Variants in SBF2 observed in about 807,000 individuals in gnomAD.
SBF2 encodes the protein myotubularin-related protein 13.
Under a neutral mutation model 225.2 loss-of-function variants are expected in SBF2, and 112 were observed. The observed-to-expected ratio is 0.50, with a 90% CI of 0.43 to 0.58. The LOEUF is 0.58. SBF2 is among the 20% of genes least tolerant of loss of function. The pLI, the probability that SBF2 is intolerant of heterozygous loss-of-function variation, is 0.00. For synonymous variants in SBF2, 763 were observed against 773.3 expected (o/e 0.99, Z 0.22); for missense variants, 1,996 against 2,206.2 (o/e 0.90, Z 1.91).
At chr11:10,111,984 T>C (rs1301219008) in intron 2 of SBF2, among the ~76,000 whole-genome samples, 1 of 152,246 alleles carries the variant, frequency 6.6e-6, no homozygotes, top group African/African-American at 2.4e-5. Flanking sequence ...AAAGCAGTTA[T>C]AAGCTGTATT....
In SBF2 at chr11:10,019,287, A is replaced by G. The variant is rs186239596; in HGVS notation, c.619+9165T>C. Among the ~76,000 whole-genome samples the G allele has an allele frequency of 3.8e-3, 577 of 152,340 alleles. 4 individuals are homozygous for G. The highest frequency in any genetic ancestry group is 5.4e-3 in the South Asian group (26 of 4,828). ...AAATTACATTGGAACAGTTTTCGTT[A>G]GAGATCCTTAGGCCTCTGAAGGTAA... On this transcript the variant is annotated intron_variant, in intron 6 of 39. Coordinates refer to ENST00000256190, the MANE Select transcript of SBF2 (RefSeq NM_030962.4).
At chr11:10,196,851 TATATATA>T (rs1426021935) in intron 1 of SBF2, among the ~76,000 whole-genome samples, 1 of 20,884 alleles carries the variant, frequency 4.8e-5, no homozygotes, top group African/African-American at 9.5e-5. Context: ...TATATATATA[TATATATA>T]TATATATATT....
rs542210145 is a variant in SBF2 at position 10,083,277 on chromosome 11, G to C, written c.142-40296C>G. Among the ~76,000 whole-genome samples the C allele has an allele frequency of 5.6e-4, 85 of 152,212 alleles. 1 individual carries two copies. The South Asian group carries it at 0.017, about 30-fold the overall frequency. On this transcript the variant is annotated intron_variant, in intron 2 of 39. Coordinates refer to ENST00000256190, the MANE Select transcript of SBF2 (RefSeq NM_030962.4). ...GAACATCCCACACCATGAATTTGAA[G>C]AATCAATATCATTAAAACAATGATG...
intron 17 of SBF2, among the ~76,000 whole-genome samples, chr11:9,892,496 G>A (rs922871139): frequency 2.0e-5 from 3 of 151,844 alleles, no homozygotes; most frequent in African/African-American, 7.3e-5. Flanking sequence ...GGGTGAAGGT[G>A]GAAAAGGGAA....
At chr11:10,055,400 A>G (rs2134731568) in intron 2 of SBF2, among the ~76,000 whole-genome samples, 1 of 152,244 alleles carries the variant, frequency 6.6e-6, no homozygotes, top group East Asian at 1.9e-4. Flanking sequence ...TACCAAAAGG[A>G]AAAGAATTCA....
intron 27 of SBF2, among the ~76,000 whole-genome samples, chr11:9,831,793 T>C (rs1024999506): frequency 1.3e-5 from 2 of 152,216 alleles, no homozygotes; most frequent in African/African-American, 4.8e-5. Flanking sequence ...TGTGTGTGCG[T>C]ATGACTTGTA....
Position 10,136,221 on chromosome 11 carries a change from TC to T in SBF2, c.141+57680del, listed in dbSNP as rs1323052576. On this transcript the variant is annotated intron_variant, in intron 2 of 39. Coordinates refer to ENST00000256190, the MANE Select transcript of SBF2 (RefSeq NM_030962.4). ...CCATGACTCAATTACCTCCACAAGG[TC>T]CCCCCCAACAACACATGGGAATTAT... Among the ~76,000 whole-genome samples, 5 of 151,138 alleles carry T rather than the reference TC, an allele frequency of 3.3e-5. No homozygotes were observed. In the East Asian group the frequency reaches 7.8e-4, roughly 24 times the overall value.
intron 13 of SBF2, among the ~76,000 whole-genome samples, chr11:9,983,277 G>A (rs1005855786): frequency 6.6e-6 from 1 of 152,166 alleles, no homozygotes; most frequent in African/African-American, 2.4e-5. Flanking sequence ...CTGTTTGCGT[G>A]GGAGCTGGGT....
At position 10,272,321 on chromosome 11, in the gene SBF2, C is replaced by T. The variant is rs901587120; in HGVS notation, c.55+21694G>A. ...TTGATTCTTTAGGAGAATGACAAGT[C>T]GTTCACTGTAACTAAGGCTTACTTA... is the stretch of plus-strand genomic sequence containing the variant. On this transcript the variant is annotated intron_variant, in intron 1 of 39. Coordinates refer to ENST00000256190, the MANE Select transcript of SBF2 (RefSeq NM_030962.4). 11 of 802,466 alleles carry T rather than the reference C, an allele frequency of 1.4e-5. 2 individuals carry two copies. Among genetic ancestry groups the T allele is most frequent in the African/African-American group, 4.8e-5 (3 of 62,024 alleles). 49.7% of individuals were successfully genotyped at this position (802,466 alleles called of 1,614,324 possible). A position where few individuals can be genotyped will look rare whatever the true frequency, so the allele number is the denominator to read the frequency against.
At chr11:10,112,680 A>G (rs1025140480) in intron 2 of SBF2, among the ~76,000 whole-genome samples, 1 of 152,254 alleles carries the variant, frequency 6.6e-6, no homozygotes, top group Non-Finnish European at 1.5e-5. Flanking sequence ...AACAGAAGAC[A>G]GAAGCAAAAT....
intron 16 of SBF2, among the ~76,000 whole-genome samples, chr11:9,930,225 T>C (rs1864385311): frequency 6.6e-6 from 1 of 152,156 alleles, no homozygotes; most frequent in Non-Finnish European, 1.5e-5. Flanking sequence ...AAATTCATGG[T>C]CCAAAACTGC....
intron 36 of SBF2, 169 bp from the exon 37 acceptor site, chr11:9,785,487 C>T: frequency 3.1e-6 from 2 of 645,568 alleles, no homozygotes; most frequent in Non-Finnish European, 5.5e-6. Context: ...AAACTGGAAA[C>T]AACCTACACG....
chr11:9,815,669 G>C (rs1854420164), intron 29 of SBF2, among the ~76,000 whole-genome samples: 1 of 152,134 alleles, frequency 6.6e-6, no homozygotes, highest in African/African-American at 2.4e-5. Context: ...TTCGGATCAC[G>C]AGTAAGTGTT....
Position 9,789,143 on chromosome 11 carries a change from C to A in SBF2, c.4898G>T (p.Cys1633Phe). 4.3e-6 allele frequency: 7 copies of A among 1,614,182 alleles called. No homozygotes were observed. The highest frequency in any genetic ancestry group is 5.9e-6 in the Non-Finnish European group (7 of 1,180,042). ...GCTGGTGAGAGCATCAGGCTGAGTA[C>A]AGCTGACATCATCATAGCATGGCCA... is the stretch of plus-strand genomic sequence containing the variant. ...TVWPCYDDVS[C>F]TQPDALTSLF... The change falls in exon 35 of 40, where the codon TGT becomes TTT. Residue 1633 changes from cysteine to phenylalanine, a missense_variant. Physicochemically the swap from Cys to Phe is radical, Grantham distance 205. Transcript: ENST00000256190.
chr11:9,937,300 T>C (rs1864961388), intron 16 of SBF2, among the ~76,000 whole-genome samples: 1 of 151,630 alleles, frequency 6.6e-6, no homozygotes. Flanking sequence ...TAAAGTTTTG[T>C]GGGAAGCATA....
chr11:10,259,009 C>A (rs988329193), intron 1 of SBF2, among the ~76,000 whole-genome samples: 4 of 152,144 alleles, frequency 2.6e-5, no homozygotes, highest in African/African-American at 9.7e-5. Context: ...ACATTTGGAG[C>A]TAGTTGTAGC....
intron 2 of SBF2, among the ~76,000 whole-genome samples, chr11:10,150,182 T>C (rs1211053171): frequency 6.6e-6 from 1 of 152,118 alleles, no homozygotes; most frequent in East Asian, 1.9e-4. Context: ...AGCAGACCCT[T>C]CTCAGCCCAC....
At chr11:10,292,978 C>A (rs559664452) in intron 1 of SBF2, among the ~76,000 whole-genome samples, 1 of 152,126 alleles carries the variant, frequency 6.6e-6, no homozygotes, top group South Asian at 2.1e-4. Context: ...GAGAGTGGAC[C>A]AAGAGTGGGT....
intron 2 of SBF2, among the ~76,000 whole-genome samples, chr11:10,071,416 G>A (rs543513070): frequency 5.1e-4 from 77 of 151,936 alleles, no homozygotes; most frequent in Admixed American, 1.8e-3. Flanking sequence ...ACAAGCGCCC[G>A]CAACCACGCC....
Sources: allele counts gnomAD v4.1 joint callset (sites outside exome capture counted in the v4.1 genomes callset), GRCh38; gene constraint gnomAD v4.1.1; transcripts MANE v1.5; gene names NCBI Gene and HGNC (gene_info 2026-07-23, HGNC 2026-07-21).